The following SUN1 variants were observed in gnomAD, a reference collection of about 807,000 sequenced individuals.
SUN1 encodes the protein SUN domain-containing protein 1.
Under a neutral mutation model 103.2 loss-of-function variants are expected in SUN1, and 61 were observed. The ratio of observed to expected loss-of-function variants is 0.59; its 90% CI spans 0.48 to 0.73. SUN1 has a LOEUF of 0.73. Among genes scored for constraint, SUN1 ranks in the 30% least tolerant of loss-of-function variants. The probability of loss-of-function intolerance (pLI) is 0.00; values close to 1 mark genes in which losing one functional copy is unlikely to be tolerated. For synonymous variants in SUN1, 490 were observed against 425.7 expected, an observed-to-expected ratio of 1.15 and a Z score of -1.86; for missense variants, 1,052 against 1,034.6, an observed-to-expected ratio of 1.02 and a Z score of -0.23.
intron 13 of SUN1, 82 bp from the exon 14 acceptor site, chr7:860,046 G>C: frequency 6.6e-7 from 1 of 1,512,970 alleles, no homozygotes; most frequent in Non-Finnish European, 8.9e-7. Flanking sequence ...TAATTCTTCT[G>C]AGGTATCTAA....
At chr7:850,491 G>A (rs1468022985) in intron 5 of SUN1, 1 of 156,646 alleles carries the variant, frequency 6.4e-6, no homozygotes, top group Non-Finnish European at 1.4e-5. Flanking sequence ...AAAAAAGTTA[G>A]TTTCAAAAAT....
At chr7:826,588 G>T (rs1229695635) in intron 1 of SUN1, among the ~76,000 whole-genome samples, 1 of 152,212 alleles carries the variant, frequency 6.6e-6, no homozygotes, top group South Asian at 2.1e-4. Context: ...GTGGATCAGT[G>T]ATAGACTGAC....
At chr7:861,535 T>C (rs1337744768) in intron 15 of SUN1, 71 bp downstream of exon 15, 5 of 1,491,646 alleles carry the variant, frequency 3.4e-6, no homozygotes, top group Non-Finnish European at 3.7e-6. Flanking sequence ...CTTGAGAGGC[T>C]GTTGCCTACC....
At position 841,933 on chromosome 7, in the gene SUN1, T is replaced by C; in HGVS notation, c.267-13T>C. On this transcript the variant is annotated splice_polypyrimidine_tract_variant and intron_variant, in intron 2 of 18. Coordinates refer to ENST00000401592, the MANE Select transcript of SUN1 (RefSeq NM_001130965.3). ...AAAAGATCTATAAACTTGCTGTTTTTTTTTCTTCTTAGAACAACAAAACAG... is the reference window on the plus strand; with the variant it reads ...AAAAGATCTATAAACTTGCTGTTTTCTTTTCTTCTTAGAACAACAAAACAG... The C allele has an allele frequency of 6.2e-7, 1 of 1,613,314 alleles. No individual in the cohort carries two copies. The highest frequency in any genetic ancestry group is 8.5e-7 in the Non-Finnish European group (1 of 1,179,798).
At chr7:822,997 C>T (rs1022574339) in intron 1 of SUN1, among the ~76,000 whole-genome samples, 4 of 152,184 alleles carry the variant, frequency 2.6e-5, no homozygotes, top group African/African-American at 7.2e-5. Flanking sequence ...CGCGAATTCC[C>T]GCACGCACGT....
In SUN1 at chr7:834,839, G is replaced by C. The variant is rs111843647; in HGVS notation, c.77+2238G>C. Among the ~76,000 whole-genome samples, 67 of 152,336 alleles carry C rather than the reference G, an allele frequency of 4.4e-4. 1 individual carries two copies. The highest frequency in any genetic ancestry group is 1.4e-3 in the African/African-American group (60 of 41,572). On this transcript the variant is annotated intron_variant, in intron 1 of 18. Coordinates refer to ENST00000401592, the MANE Select transcript of SUN1 (RefSeq NM_001130965.3). ...GCCTGTAATCCCAGCACTTTGGGAG[G>C]CTGAGGCGGGTGGATCACTTGAGGT...
At chr7:864,801 A>C (rs1835102092) in intron 15 of SUN1, among the ~76,000 whole-genome samples, 1 of 151,344 alleles carries the variant, frequency 6.6e-6, no homozygotes, top group Non-Finnish European at 1.5e-5. Context: ...GCTAATTTTC[A>C]TATTTTTAGT....
At chr7:852,260 G>A (rs926086345) in intron 7 of SUN1, 14 of 614,382 alleles carry the variant, frequency 2.3e-5, no homozygotes, top group Non-Finnish European at 3.4e-5. Context: ...GCAGAGGTGA[G>A]GCAGCTGGGA....
chr7:863,936 G>T (rs1053297758), intron 15 of SUN1, among the ~76,000 whole-genome samples: 1 of 152,156 alleles, frequency 6.6e-6, no homozygotes, highest in Non-Finnish European at 1.5e-5. Flanking sequence ...AATTAATTAA[G>T]AAAAGGACTA....
intron 11 of SUN1, among the ~76,000 whole-genome samples, chr7:855,877 C>T (rs1396932228): frequency 2.0e-5 from 3 of 150,522 alleles, no homozygotes; most frequent in Non-Finnish European, 4.4e-5. Context: ...TGTGTCCGCC[C>T]GAGAAGGTCT....
intron 11 of SUN1, among the ~76,000 whole-genome samples, 198 bp from the exon 12 acceptor site, chr7:856,160 G>T (rs1827097093): frequency 6.6e-6 from 1 of 152,224 alleles, no homozygotes; most frequent in Non-Finnish European, 1.5e-5. Context: ...TGTGATTTGT[G>T]CTCCTTTCTG....
rs183935342 is a variant in SUN1, at chr7:858,789, G to A, written c.1524+832G>A. Among the ~76,000 whole-genome samples, 438 of 152,328 alleles carry A rather than the reference G, an allele frequency of 2.9e-3. 3 individuals are homozygous for A. The highest frequency in any genetic ancestry group is 1.0e-2 in the African/African-American group (414 of 41,564). On this transcript the variant is annotated intron_variant, in intron 13 of 18. Coordinates refer to ENST00000401592, the MANE Select transcript of SUN1 (RefSeq NM_001130965.3). ...AGATTGGTAAAGGCATTTGCAATACGTGTGGTAAGATTATCTCTGATGTGC... is the reference window on the plus strand; with the variant it reads ...AGATTGGTAAAGGCATTTGCAATACATGTGGTAAGATTATCTCTGATGTGC...
chr7:841,574 T>C (rs944191106), intron 2 of SUN1, among the ~76,000 whole-genome samples: 4 of 152,168 alleles, frequency 2.6e-5, no homozygotes, highest in Non-Finnish European at 4.4e-5. Context: ...CTTAACACAA[T>C]TCCATCTTTA....
chr7:858,881 G>A (rs577679326), intron 13 of SUN1, among the ~76,000 whole-genome samples: 2 of 152,274 alleles, frequency 1.3e-5, no homozygotes, highest in East Asian at 1.9e-4. Context: ...TAGGCCGGGC[G>A]CCGCGGCTCA....
rs752605452 is a variant in SUN1 at position 838,348 on chromosome 7, G to A, written c.78-450G>A. 4.6e-5 allele frequency among the ~76,000 whole-genome samples: 7 copies of A among 152,248 alleles called. 1 individual carries two copies. Among genetic ancestry groups the A allele is most frequent in the Non-Finnish European group, 7.3e-5 (5 of 68,040 alleles). ...TAGATAAATTCTAAATTTAGAAGGG[G>A]AGCATTGACGGCCCGATCACTTGGC... On this transcript the variant is annotated intron_variant, in intron 1 of 18. Coordinates refer to ENST00000401592, the MANE Select transcript of SUN1 (RefSeq NM_001130965.3).
chr7:820,050 A>G (rs1457933364), intron 1 of SUN1, among the ~76,000 whole-genome samples: 1 of 152,070 alleles, frequency 6.6e-6, no homozygotes, highest in Non-Finnish European at 1.5e-5. Context: ...ATTTTTTACT[A>G]TTTGGGACCC....
intron 16 of SUN1, among the ~76,000 whole-genome samples, chr7:868,127 C>T (rs985108209): frequency 1.3e-5 from 2 of 152,228 alleles, no homozygotes; most frequent in South Asian, 2.1e-4. Context: ...ACGTGCCCAT[C>T]GTTCACCATC....
At position 843,501 on chromosome 7, in the gene SUN1, T is replaced by C; in HGVS notation, c.639T>C (p.Ser213=). The C allele has an allele frequency of 1.2e-6, 2 of 1,614,080 alleles. No homozygotes were observed. Among genetic ancestry groups the C allele is most frequent in the Non-Finnish European group, 1.7e-6 (2 of 1,179,926 alleles). ...AAPGPVSRVY[S]RDRNQKCYFL... is the part of the protein sequence containing the mutation. Reference sequence around the variant, plus strand: ...CCGGGCCCGTGTCGAGAGTTTATTCTAGGGACAGGAATCAAAAATGTAAGT... The same window carrying C: ...CCGGGCCCGTGTCGAGAGTTTATTCCAGGGACAGGAATCAAAAATGTAAGT... Residue 213 remains serine (S), a synonymous_variant, in exon 5 of 19, where the codon TCT becomes TCC. Coordinates refer to ENST00000401592, the MANE Select transcript of SUN1 (RefSeq NM_001130965.3).
At chr7:843,968 T>C in intron 5 of SUN1, 1 of 911,920 alleles carries the variant, frequency 1.1e-6, no homozygotes, top group Non-Finnish European at 1.3e-6. Flanking sequence ...GTGCTTATGG[T>C]GATGGAGGGG....
Sources: allele counts gnomAD v4.1 joint callset (sites outside exome capture counted in the v4.1 genomes callset), GRCh38; gene constraint gnomAD v4.1.1; transcripts MANE v1.5; gene names NCBI Gene and HGNC (gene_info 2026-07-23, HGNC 2026-07-21).